The following ALMS1 variants were observed in gnomAD, a reference collection of about 807,000 sequenced individuals.
ALMS1 encodes the protein ALMS1 centrosome and basal body associated protein, also known as centrosome-associated protein ALMS1.
In ALMS1, 271 loss-of-function variants were observed where a neutral mutation model predicts 352.2. The ratio of observed to expected loss-of-function variants is 0.77; its 90% CI spans 0.70 to 0.85. The LOEUF is 0.85. Among genes scored for constraint, ALMS1 ranks in the 40% least tolerant of loss-of-function variants. ALMS1 has a pLI of 0.00. For missense variants in ALMS1, 5,445 were observed against 4,870.7 expected (o/e 1.12, Z -3.51); for synonymous variants, 1,865 against 1,761.2 (o/e 1.06, Z -1.48).
intron 15 of ALMS1, among the ~76,000 whole-genome samples, chr2:73,569,897 A>G (rs1265292254): frequency 2.0e-5 from 3 of 152,226 alleles, no homozygotes; most frequent in Non-Finnish European, 2.9e-5. Context: ...AGTGTAAGAG[A>G]AGGTCATTGA....
intron 1 of ALMS1, among the ~76,000 whole-genome samples, chr2:73,393,472 C>T (rs559775073): frequency 1.1e-4 from 17 of 151,882 alleles, no homozygotes; most frequent in South Asian, 1.0e-3. Flanking sequence ...TATTGCATAG[C>T]GGTAAAGTCA....
At chr2:73,483,973 A>G (rs1392127847) in intron 9 of ALMS1, among the ~76,000 whole-genome samples, 1 of 150,696 alleles carries the variant, frequency 6.6e-6, no homozygotes, top group Non-Finnish European at 1.5e-5. Flanking sequence ...GTGTCTCTGC[A>G]TGTGAGATGG....
At chr2:73,392,450 C>T (rs907986437) in intron 1 of ALMS1, among the ~76,000 whole-genome samples, 5 of 152,142 alleles carry the variant, frequency 3.3e-5, no homozygotes, top group Non-Finnish European at 5.9e-5. Flanking sequence ...ATCATGATCA[C>T]GGTCAATTTT....
chr2:73,396,046 T>G (rs1026104619), intron 1 of ALMS1, among the ~76,000 whole-genome samples: 4 of 152,200 alleles, frequency 2.6e-5, no homozygotes, highest in African/African-American at 9.7e-5. Context: ...GGCTGTGGGT[T>G]GGACAAACTT....
At position 73,602,393 on chromosome 2, in the gene ALMS1, TG is replaced by T. The variant is rs771940945; in HGVS notation, c.12298+26del. The T allele has an allele frequency of 2.0e-5, 33 of 1,613,456 alleles. No homozygotes were observed. In the South Asian group the frequency reaches 3.3e-4, roughly 16 times the overall value. On this transcript the variant is annotated intron_variant, in intron 20 of 22. Transcript: ENST00000613296. ...GGTACGCCCTGCCCGTTCACTTTCC[TG>T]TGAGTGGAATAGAGAAGGCAAGGTC...
intron 10 of ALMS1, among the ~76,000 whole-genome samples, chr2:73,494,388 C>A (rs574218838): frequency 6.6e-6 from 1 of 152,138 alleles, no homozygotes; most frequent in East Asian, 1.9e-4. Context: ...AACATCTTAC[C>A]GTAACATCAT....
chr2:73,418,650 C>T (rs1463798299), intron 2 of ALMS1, among the ~76,000 whole-genome samples: 1 of 152,236 alleles, frequency 6.6e-6, no homozygotes, highest in Non-Finnish European at 1.5e-5. Context: ...CCCAGAAAGT[C>T]TGTTCCTTTT....
In ALMS1 at chr2:73,449,019, C is replaced by G. The variant is rs775251580; in HGVS notation, c.2492C>G (p.Pro831Arg). 13 of 1,613,872 alleles carry G rather than the reference C, an allele frequency of 8.1e-6. No individual in the cohort carries two copies. Among genetic ancestry groups the G allele is most frequent in the South Asian group, 2.2e-5 (2 of 91,076 alleles). Reference protein sequence around the residue: ...YQQALLDSHLPEEALKVSAVS... With the variant: ...YQQALLDSHLREEALKVSAVS... ...CAGGCCTTGCTGGACAGCCATCTAC[C>G]CGAAGAGGCTCTGAAAGTTTCAGCT... The change falls in exon 8 of 23, where the codon CCC becomes CGC. Residue 831 changes from proline (P) to arginine (R), a missense_variant. Physicochemically the swap from Pro to Arg is moderately radical, Grantham distance 103. Coordinates refer to ENST00000613296, the MANE Select transcript of ALMS1 (RefSeq NM_001378454.1).
chr2:73,464,395 AC>A (rs1366116633), intron 9 of ALMS1, among the ~76,000 whole-genome samples: 6 of 152,134 alleles, frequency 3.9e-5, no homozygotes, highest in Admixed American at 2.0e-4. Flanking sequence ...AAATTCAACA[AC>A]CCTTCATGCT....
intron 12 of ALMS1, among the ~76,000 whole-genome samples, chr2:73,539,898 G>A (rs1674128046): frequency 6.6e-6 from 1 of 152,182 alleles, no homozygotes; most frequent in African/African-American, 2.4e-5. Flanking sequence ...CGTCTGATTG[G>A]TGTACTTGAA....
chr2:73,480,061 T>C (rs890392209), intron 9 of ALMS1, among the ~76,000 whole-genome samples: 3 of 151,692 alleles, frequency 2.0e-5, no homozygotes, highest in Non-Finnish European at 4.4e-5. Flanking sequence ...TCTTTTTTTA[T>C]TTTTATTTTT....
Position 73,450,895 on chromosome 2 carries a change from A to G in ALMS1, c.4368A>G (p.Ser1456=). ...TACCTGAAGAGGCTTTGGAAGTTTCAGTTGCTCCTGGACCAGTTGACCAGA... is the reference window on the plus strand; with the variant it reads ...TACCTGAAGAGGCTTTGGAAGTTTCGGTTGCTCCTGGACCAGTTGACCAGA... ...SHLPEEALEV[S]VAPGPVDQTI... The change falls in exon 8 of 23, where the codon TCA becomes TCG. Residue 1456 remains serine, a synonymous_variant. Transcript: ENST00000613296. 6.2e-7 allele frequency: 1 copy of G among 1,613,926 alleles called. No homozygotes were observed. The highest frequency in any genetic ancestry group is 1.1e-5 in the South Asian group (1 of 91,076).
In ALMS1 at chr2:73,408,644, T is replaced by A; in HGVS notation, c.347T>A (p.Val116Glu). 1 of 1,613,466 alleles carries A rather than the reference T, an allele frequency of 6.2e-7. No homozygotes were observed. The highest frequency in any genetic ancestry group is 8.5e-7 in the Non-Finnish European group (1 of 1,179,616). Reference sequence around the variant, plus strand: ...CAGATTGTTCCATTGACCTGTCATGTATGGCAACAGATAGTATATCAAGGC... The same window carrying A: ...CAGATTGTTCCATTGACCTGTCATGAATGGCAACAGATAGTATATCAAGGC... ...LEKIVPLTCH[V>E]WQQIVYQGNS... is the part of the protein sequence containing the mutation. Residue 116 changes from valine (V) to glutamate (E), a missense_variant, in exon 2 of 23, where the codon GTA (valine) becomes GAA (glutamate). By Grantham distance (121) the Val-to-Glu change is moderately radical. Transcript: ENST00000613296.
chr2:73,461,004 C>G (rs1024530009), intron 9 of ALMS1, among the ~76,000 whole-genome samples: 1 of 152,244 alleles, frequency 6.6e-6, no homozygotes, highest in Non-Finnish European at 1.5e-5. Context: ...TAGGCTCCAC[C>G]TCTGGGGGCA....
rs1671989930 is a variant in ALMS1 at position 73,453,356 on chromosome 2, T to C, written c.6829T>C (p.Cys2277Arg). 2 of 1,613,856 alleles carry C rather than the reference T, an allele frequency of 1.2e-6. No individual in the cohort carries two copies. The highest frequency in any genetic ancestry group is 1.1e-5 in the South Asian group (1 of 91,072). The part of the protein sequence containing the change: ...MEAENMALKR[C>R]NFPAPLARFR... ...GGCAGAAAATATGGCACTGAAACGA[T>C]GCAATTTTCCTGCTCCCCTTGCCCG... Residue 2277 changes from cysteine to arginine, a missense_variant, in exon 8 of 23, where the codon TGC becomes CGC. Transcript: ENST00000613296.
chr2:73,451,221 C>A lies in ALMS1; in HGVS notation c.4694C>A (p.Thr1565Asn). The change falls in exon 8 of 23, where the codon ACC becomes AAC. Residue 1565 changes from threonine (T) to asparagine (N), a missense_variant. Coordinates refer to ENST00000613296, the MANE Select transcript of ALMS1 (RefSeq NM_001378454.1). ...GPADQTTGIP[T>N]ITSTSYSFGE... Reference sequence around the variant, plus strand: ...GCTGACCAGACAACTGGCATACCAACCATAACCTCTACTTCCTACTCATTT... The same window carrying A: ...GCTGACCAGACAACTGGCATACCAAACATAACCTCTACTTCCTACTCATTT... The A allele has an allele frequency of 1.2e-6, 2 of 1,613,926 alleles. No homozygotes were observed. Among genetic ancestry groups the A allele is most frequent in the East Asian group, 4.5e-5 (2 of 44,874 alleles).
intron 16 of ALMS1, among the ~76,000 whole-genome samples, chr2:73,578,067 G>A (rs1675090188): frequency 6.6e-6 from 1 of 152,106 alleles, no homozygotes; most frequent in Non-Finnish European, 1.5e-5. Flanking sequence ...TCTGTTGTCA[G>A]TTGTGTGTAT....
chr2:73,426,571 G>T lies in ALMS1; in HGVS notation c.1338+18G>T. The stretch of plus-strand genomic sequence containing the variant: ...AAAGAAAGGTGAGACACAATAAAAT[G>T]ATAGTTGTAAGAAACGTGGCCTTTT... On this transcript the variant is annotated intron_variant, in intron 6 of 22. Coordinates refer to ENST00000613296, the MANE Select transcript of ALMS1 (RefSeq NM_001378454.1). 1.9e-6 allele frequency: 3 copies of T among 1,610,804 alleles called. No homozygotes were observed. The highest frequency in any genetic ancestry group is 2.5e-6 in the Non-Finnish European group (3 of 1,177,050).
intron 15 of ALMS1, among the ~76,000 whole-genome samples, chr2:73,564,946 G>A (rs1651326648): frequency 6.6e-6 from 1 of 152,174 alleles, no homozygotes; most frequent in Admixed American, 6.5e-5. Flanking sequence ...TAATTTATTA[G>A]TGCAGTAAAC....
Sources: gnomAD v4.1 joint callset for allele counts (sites outside exome capture counted in the v4.1 genomes callset) on GRCh38, gnomAD v4.1.1 for gene constraint, MANE v1.5 for transcripts, NCBI Gene and HGNC (gene_info 2026-07-23, HGNC 2026-07-21) for gene names.